CGB1: variants seen among roughly 807,000 people sequenced by gnomAD.
CGB1 encodes chorionic gonadotropin subunit beta 1, also known as choriogonadotropin subunit beta variant 1.
Under a neutral mutation model 7.0 loss-of-function variants are expected in CGB1, and 4 were observed. That is an observed-to-expected ratio of 0.57 (90% CI 0.28 to 1.31). CGB1 has a LOEUF of 1.31. Among genes scored for constraint, CGB1 ranks in the 50% most tolerant of loss-of-function variants. The probability of loss-of-function intolerance (pLI) is 0.10; values close to 1 mark genes in which losing one functional copy is unlikely to be tolerated. For missense variants in CGB1, 139 were observed against 219.1 expected, an observed-to-expected ratio of 0.63 and a Z score of 2.31; for synonymous variants, 72 against 96.4, an observed-to-expected ratio of 0.75 and a Z score of 1.48.
At chr19:49,036,491 A>C in intron 1 of CGB1, 188 bp from the exon 2 acceptor site, 1 of 1,563,892 alleles carries the variant, frequency 6.4e-7, no homozygotes, top group Non-Finnish European at 8.7e-7. Context: ...AGATACCCCA[A>C]CATTTCAGAT....
intron 1 of CGB1, 73 bp from the exon 2 acceptor site, chr19:49,036,376 T>C: frequency 1.2e-6 from 2 of 1,601,682 alleles, no homozygotes; most frequent in South Asian, 1.1e-5. Flanking sequence ...TCCCGCATGG[T>C]ACACCACCCA....
At chr19:49,036,610 T>A (rs1045108837) in intron 1 of CGB1, 93 bp downstream of exon 1, 2 of 1,613,848 alleles carry the variant, frequency 1.2e-6, no homozygotes, top group African/African-American at 2.7e-5. Context: ...ATGCCAGTGA[T>A]GGCCTGGAAG....
chr19:49,036,416 T>G (rs568088651), intron 1 of CGB1, 113 bp from the exon 2 acceptor site: 11 of 1,595,106 alleles, frequency 6.9e-6, no homozygotes, highest in Admixed American at 6.8e-5. Context: ...CCCGGCATCT[T>G]CTATTCAGGA....
chr19:49,036,831 T>C lies in CGB1; in HGVS notation c.-120A>G, dbSNP rs369471697. 2,460 of 1,474,550 alleles carry C rather than the reference T, an allele frequency of 1.7e-3. 8 individuals are homozygous for C. The highest frequency in any genetic ancestry group is 2.1e-3 in the Non-Finnish European group (2,178 of 1,056,114). 91.3% of individuals were successfully genotyped at this position (1,474,550 alleles called of 1,614,324 possible). A position where few individuals can be genotyped will look rare whatever the true frequency, so the allele number is the denominator to read the frequency against. ...GGGTGTTGGACGCGGCACGGGAACCTGGCCAGAGTCAGCGGACCCAATTGG... is the reference window on the plus strand; with the variant it reads ...GGGTGTTGGACGCGGCACGGGAACCCGGCCAGAGTCAGCGGACCCAATTGG... On this transcript the variant is annotated 5_prime_UTR_variant, in exon 1 of 3. Coordinates refer to ENST00000301407, the MANE Select transcript of CGB1 (RefSeq NM_033377.2).
At position 49,036,866 on chromosome 19, in the gene CGB1, C is replaced by T. The variant is rs972497937; in HGVS notation, c.-155G>A. The T allele has an allele frequency of 2.8e-6, 3 of 1,068,994 alleles. No individual in the cohort carries two copies. The highest frequency in any genetic ancestry group is 2.5e-5 in the East Asian group (1 of 39,834). 66.2% of individuals were successfully genotyped at this position (1,068,994 alleles called of 1,614,324 possible). On this transcript the variant is annotated 5_prime_UTR_variant, in exon 1 of 3. Transcript: ENST00000301407. Reference sequence around the variant, plus strand: ...CAGCGGACCCAATTGGCTGCTCTCTCTCAGATGCAGTTCCCCTTCCTCCCT... The same window carrying T: ...CAGCGGACCCAATTGGCTGCTCTCTTTCAGATGCAGTTCCCCTTCCTCCCT...
At position 49,036,186 on chromosome 19, in the gene CGB1, C is replaced by A; in HGVS notation, c.127G>T (p.Val43Leu). 1 of 1,609,920 alleles carries A rather than the reference C, an allele frequency of 6.2e-7. No homozygotes were observed. The highest frequency in any genetic ancestry group is 8.5e-7 in the Non-Finnish European group (1 of 1,179,792). Residue 43 changes from valine to leucine, a missense_variant, in exon 2 of 3, where the codon GTG (valine) becomes TTG (leucine). Coordinates refer to ENST00000301407, the MANE Select transcript of CGB1 (RefSeq NM_033377.2). ...ATGGTGGTGTTGACGGTGATGCACA[C>A]GGGGCAGCCCTCCTTCTCCACAGCC... ...TLAVEKEGCP[V>L]CITVNTTICA...
At chr19:49,036,410 G>T (rs952341317) in intron 1 of CGB1, 107 bp from the exon 2 acceptor site, 29 of 1,597,232 alleles carry the variant, frequency 1.8e-5, no homozygotes, top group Middle Eastern at 2.2e-4. Context: ...ACCCTTCCCG[G>T]CATCTTCTAT....
rs746052565 is a variant in CGB1 at position 49,036,716 on chromosome 19, C to G, written c.-5G>C. 10 of 1,613,824 alleles carry G rather than the reference C, an allele frequency of 6.2e-6. No homozygotes were observed. Among genetic ancestry groups the G allele is most frequent in the African/African-American group, 1.3e-5 (1 of 74,916 alleles). On this transcript the variant is annotated 5_prime_UTR_variant, in exon 1 of 3. Transcript: ENST00000301407. ...GATCTACCCTACCTTTGACATGTCT[C>G]TCTCTTAGCGGGATATCTTCCGCAA...
In CGB1 at chr19:49,036,277, G is replaced by A. The variant is rs1332650382; in HGVS notation, c.36C>T (p.Ser12=). The A allele has an allele frequency of 2.5e-6, 4 of 1,606,936 alleles. No individual in the cohort carries two copies. The highest frequency in any genetic ancestry group is 3.4e-6 in the Non-Finnish European group (4 of 1,179,718). The change falls in exon 2 of 3, where the codon AGC becomes AGT. Residue 12 remains serine (S), a synonymous_variant. Transcript: ENST00000301407. ...CCTTGGATGCCCATGTCCCGCCCAT[G>A]CTCAGCAGCAGCAACAGCAGCAGCC... ...SKRLLLLLLL[S]MGGTWASKEP... is the part of the protein sequence containing the mutation.
In CGB1 at chr19:49,035,772, C is replaced by T; in HGVS notation, c.306G>A (p.Val102=). Reference sequence around the variant, plus strand: ...AGAGTGCACATTGACAGCTGAGAGCCACGGCGTAGGAGACCACGGGGTTCA... The same window carrying T: ...AGAGTGCACATTGACAGCTGAGAGCTACGGCGTAGGAGACCACGGGGTTCA... ...RGVNPVVSYA[V]ALSCQCALCR... Residue 102 remains valine, a synonymous_variant, in exon 3 of 3, where the codon GTG becomes GTA. Coordinates refer to ENST00000301407, the MANE Select transcript of CGB1 (RefSeq NM_033377.2). The T allele has an allele frequency of 6.2e-7, 1 of 1,605,412 alleles. No individual in the cohort carries two copies. Among genetic ancestry groups the T allele is most frequent in the South Asian group, 1.1e-5 (1 of 90,722 alleles).
In CGB1 at chr19:49,036,835, C is replaced by T. The variant is rs2039827098; in HGVS notation, c.-124G>A. ...GTTGGACGCGGCACGGGAACCTGGC[C>T]AGAGTCAGCGGACCCAATTGGCTGC... On this transcript the variant is annotated 5_prime_UTR_variant, in exon 1 of 3. Coordinates refer to ENST00000301407, the MANE Select transcript of CGB1 (RefSeq NM_033377.2). 1.4e-6 allele frequency: 2 copies of T among 1,434,288 alleles called. No homozygotes were observed. Among genetic ancestry groups the T allele is most frequent in the Admixed American group, 1.7e-5 (1 of 57,898 alleles). 88.8% of individuals were successfully genotyped at this position (1,434,288 alleles called of 1,614,324 possible).
intron 1 of CGB1, 84 bp downstream of exon 1, chr19:49,036,619 A>T (rs2039822647): frequency 1.2e-6 from 2 of 1,613,962 alleles, no homozygotes; most frequent in Non-Finnish European, 1.7e-6. Context: ...ATGGCCTGGA[A>T]GGAGGTGGAA....
chr19:49,035,609 C>T lies in CGB1; in HGVS notation c.*1G>A, dbSNP rs1285587786. The stretch of plus-strand genomic sequence containing the variant: ...CTTTATTGTGGGAGGATCGGGGTGT[C>T]CTAGGGCCCCGGGAGACGGGATGGA... On this transcript the variant is annotated 3_prime_UTR_variant, in exon 3 of 3. Transcript: ENST00000301407. 1.9e-6 allele frequency: 3 copies of T among 1,611,734 alleles called. No individual in the cohort carries two copies. Among genetic ancestry groups the T allele is most frequent in the South Asian group, 1.1e-5 (1 of 90,976 alleles).
At position 49,036,790 on chromosome 19, in the gene CGB1, T is replaced by C; in HGVS notation, c.-79A>G. On this transcript the variant is annotated 5_prime_UTR_variant, in exon 1 of 3. Transcript: ENST00000301407. ...AGTAAATTGAGTCTCCGTGGGGGAG[T>C]GAGACAGGGAGTGAGGGGTGTTGGA... The C allele has an allele frequency of 6.2e-7, 1 of 1,605,080 alleles. No homozygotes were observed. The highest frequency in any genetic ancestry group is 1.3e-5 in the African/African-American group (1 of 74,526).
chr19:49,036,674 T>C, intron 1 of CGB1, 29 bp downstream of exon 1: 5 of 1,613,946 alleles, frequency 3.1e-6, no homozygotes, highest in Non-Finnish European at 4.2e-6. Context: ...TCTCCATCTT[T>C]GGTGCCCGGA....
chr19:49,036,402 C>T, intron 1 of CGB1, 99 bp from the exon 2 acceptor site: 2 of 1,600,042 alleles, frequency 1.2e-6, no homozygotes, highest in Non-Finnish European at 1.7e-6. Flanking sequence ...ACCCAGAGAC[C>T]CTTCCCGGCA....
Position 49,035,828 on chromosome 19 carries a change from A to C in CGB1, c.250T>G (p.Ser84Ala). Residue 84 changes from serine (S) to alanine (A), a missense_variant, in exon 3 of 3, where the codon TCC (serine) becomes GCC (alanine). Physicochemically the swap from Ser to Ala is moderately conservative, Grantham distance 99 (BLOSUM62 1). Coordinates refer to ENST00000301407, the MANE Select transcript of CGB1 (RefSeq NM_033377.2). Reference protein sequence around the residue: ...VCNYRDVRFESIRLPGCPRGV... With the variant: ...VCNYRDVRFEAIRLPGCPRGV... ...CGCGGGCAGCCAGGGAGCCGGATGG[A>C]CTCGAAGCGCACATCGCGGTAGTTG... The C allele has an allele frequency of 6.4e-7, 1 of 1,556,970 alleles. No individual in the cohort carries two copies. Among genetic ancestry groups the C allele is most frequent in the South Asian group, 1.1e-5 (1 of 88,356 alleles).
chr19:49,035,679 G>A lies in CGB1; in HGVS notation c.399C>T (p.Phe133=), dbSNP rs773830373. 2 of 1,610,512 alleles carry A rather than the reference G, an allele frequency of 1.2e-6. No individual in the cohort carries two copies. Among genetic ancestry groups the A allele is most frequent in the South Asian group, 1.1e-5 (1 of 90,924 alleles). The change falls in exon 3 of 3, where the codon TTC becomes TTT. Residue 133 remains phenylalanine (F), a synonymous_variant. Transcript: ENST00000301407. ...GGGCCTTTGAGGAAGAGGAGTCCTGGAAGCGGGGGTCATCACAGGTCAAGG... is the reference window on the plus strand; with the variant it reads ...GGGCCTTTGAGGAAGAGGAGTCCTGAAAGCGGGGGTCATCACAGGTCAAGG... ...DHPLTCDDPR[F]QDSSSSKAPP...
rs34291483 is a variant in CGB1, at chr19:49,036,845, G to A, written c.-134C>T. 5,251 of 1,280,174 alleles carry A rather than the reference G, an allele frequency of 4.1e-3. 159 individuals are homozygous for A. The African/African-American group carries it at 0.068, about 17-fold the overall frequency. 79.3% of individuals were successfully genotyped at this position (1,280,174 alleles called of 1,614,324 possible). ...GCACGGGAACCTGGCCAGAGTCAGCGGACCCAATTGGCTGCTCTCTCTCAG... is the reference window on the plus strand; with the variant it reads ...GCACGGGAACCTGGCCAGAGTCAGCAGACCCAATTGGCTGCTCTCTCTCAG... On this transcript the variant is annotated 5_prime_UTR_variant, in exon 1 of 3. Transcript: ENST00000301407.
Sources: gnomAD v4.1 joint callset for allele counts on GRCh38, gnomAD v4.1.1 for gene constraint, MANE v1.5 for transcripts, NCBI Gene and HGNC (gene_info 2026-07-23, HGNC 2026-07-21) for gene names.